SIK3: variants seen among roughly 807,000 people sequenced by gnomAD.
The protein encoded by SIK3 is SIK family kinase 3, also known as serine/threonine-protein kinase SIK3.
SIK3 carries 28 observed loss-of-function variants against 144.2 expected under a neutral mutation model. That is an observed-to-expected ratio of 0.19 (90% CI 0.14 to 0.27). SIK3 has a LOEUF of 0.27. Ranked by LOEUF, SIK3 falls within the 10% of genes least tolerant of loss-of-function variation. SIK3 has a pLI of 1.00. For missense variants in SIK3, 1,319 were observed against 1,776.0 expected, an observed-to-expected ratio of 0.74 and a Z score of 4.62; for synonymous variants, 686 against 676.3, an observed-to-expected ratio of 1.01 and a Z score of -0.22.
Position 116,980,361 on chromosome 11 carries a change from C to A in SIK3, c.274-23297G>T, listed in dbSNP as rs911723626. Among the ~76,000 whole-genome samples the A allele has an allele frequency of 3.3e-5, 5 of 152,192 alleles. No individual in the cohort carries two copies. The East Asian group carries it at 9.6e-4, about 29-fold the overall frequency. ...CCTCAACCCTCTTTTCCGCTTATCA[C>A]TAGAGAGAGAAACTAAAAACAATGG... On this transcript the variant is annotated intron_variant, in intron 1 of 24. Transcript: ENST00000445177.
chr11:117,044,484 G>A (rs1478283392), intron 1 of SIK3, among the ~76,000 whole-genome samples: 1 of 124,310 alleles, frequency 8.0e-6, no homozygotes, highest in African/African-American at 4.3e-5. Flanking sequence ...GTAAACTGCT[G>A]ACTTAAGAGA....
In SIK3 at chr11:116,879,673, A is replaced by G. The variant is rs147416793; in HGVS notation, c.866-2631T>C. ...CTAACTTCAAAAGATAATACAACAA[A>G]GTTCCTATATCAAAATGATTTCTTA... is the stretch of plus-strand genomic sequence containing the variant. On this transcript the variant is annotated intron_variant, in intron 6 of 24. Transcript: ENST00000445177. Among the ~76,000 whole-genome samples the G allele has an allele frequency of 2.0e-3, 303 of 152,356 alleles. 3 individuals are homozygous for G. Among genetic ancestry groups the G allele is most frequent in the African/African-American group, 6.8e-3 (281 of 41,588 alleles).
chr11:116,893,324 C>T (rs1332144984), intron 6 of SIK3, among the ~76,000 whole-genome samples: 1 of 152,056 alleles, frequency 6.6e-6, no homozygotes, highest in East Asian at 1.9e-4. Flanking sequence ...ACAGAGGGTA[C>T]ATGCAAACTG....
At chr11:116,871,941 G>A (rs113585325) in intron 13 of SIK3, among the ~76,000 whole-genome samples, 4 of 152,250 alleles carry the variant, frequency 2.6e-5, no homozygotes, top group South Asian at 2.1e-4. Flanking sequence ...TCATGTACAC[G>A]TATGTGTAGA....
chr11:116,861,689 G>A (rs1943340338), intron 18 of SIK3, 152 bp downstream of exon 18: 6 of 634,162 alleles, frequency 9.5e-6, no homozygotes, highest in South Asian at 6.1e-5. Context: ...GGGATTTCAA[G>A]AAGGCTCCTG....
At chr11:116,990,172 T>A (rs531731972) in intron 1 of SIK3, among the ~76,000 whole-genome samples, 2 of 152,306 alleles carry the variant, frequency 1.3e-5, no homozygotes, top group South Asian at 4.1e-4. Context: ...TTGGCAGCAA[T>A]ACATGTACTT....
At chr11:116,945,394 T>TG (rs1020769049) in intron 3 of SIK3, among the ~76,000 whole-genome samples, 4 of 146,524 alleles carry the variant, frequency 2.7e-5, no homozygotes, top group African/African-American at 1.0e-4. Flanking sequence ...TTTTTTTTTT[T>TG]TTTTTTTTTT....
rs1263653647 is a variant in SIK3 at position 117,000,914 on chromosome 11, GAA to G, written c.274-43852_274-43851del. 3.3e-5 allele frequency among the ~76,000 whole-genome samples: 5 copies of G among 152,330 alleles called. No homozygotes were observed. The East Asian group carries it at 7.7e-4, about 23-fold the overall frequency. ...TTTCCAAATGCTGCTAGGATAAAGA[GAA>G]CTGACAGTAATCACCTCCACAGAGA... On this transcript the variant is annotated intron_variant, in intron 1 of 24. Coordinates refer to ENST00000445177, the MANE Select transcript of SIK3 (RefSeq NM_001366686.3).
intron 4 of SIK3, among the ~76,000 whole-genome samples, chr11:116,915,153 T>TGTGTGTGTGTGTGTGTGTGTGTGCGC (rs1182331838): frequency 6.7e-5 from 10 of 149,212 alleles, no homozygotes; most frequent in African/African-American, 2.2e-4. Context: ...TGTGTGTGTG[T>TGTGTGTGTGTGTGTGTGTGTGTGCGC]GTGTGTGTAT....
At chr11:117,043,852 T>TACC (rs1952847311) in intron 1 of SIK3, among the ~76,000 whole-genome samples, 1 of 152,250 alleles carries the variant, frequency 6.6e-6, no homozygotes, top group Non-Finnish European at 1.5e-5. Flanking sequence ...AACGATGTTT[T>TACC]ATTCACCTTT....
At chr11:117,061,248 A>C (rs1234886952) in intron 1 of SIK3, among the ~76,000 whole-genome samples, 1 of 152,198 alleles carries the variant, frequency 6.6e-6, no homozygotes, top group Non-Finnish European at 1.5e-5. Flanking sequence ...ATCTCAAAAA[A>C]TAGATAAAAT....
At position 116,860,400 on chromosome 11, in the gene SIK3, C is replaced by G. The variant is rs182951669; in HGVS notation, c.2426-796G>C. On this transcript the variant is annotated intron_variant, in intron 19 of 24. Transcript: ENST00000445177. ...GGATCCTAGGGAGACTGACTAGGGA[C>G]GTAGCTCGTGGAGTGTTACTCAAGA... Among the ~76,000 whole-genome samples, 935 of 152,218 alleles carry G rather than the reference C, an allele frequency of 6.1e-3. 6 individuals carry two copies. Among genetic ancestry groups the G allele is most frequent in the African/African-American group, 0.021 (858 of 41,534 alleles).
At chr11:116,897,393 C>T (rs1233877501) in intron 4 of SIK3, 76 bp from the exon 5 acceptor site, 1 of 1,279,748 alleles carries the variant, frequency 7.8e-7, no homozygotes, top group Non-Finnish European at 1.1e-6. Flanking sequence ...TCTCTAGTCA[C>T]TAAAGATTCC....
At chr11:116,899,633 T>A (rs1016747240) in intron 4 of SIK3, among the ~76,000 whole-genome samples, 1 of 152,190 alleles carries the variant, frequency 6.6e-6, no homozygotes, top group Non-Finnish European at 1.5e-5. Context: ...CCTTCTTCTC[T>A]CCCTCTCCTA....
intron 6 of SIK3, among the ~76,000 whole-genome samples, chr11:116,877,604 T>C (rs1407702444): frequency 2.0e-5 from 3 of 152,234 alleles, no homozygotes; most frequent in Non-Finnish European, 2.9e-5. Flanking sequence ...ATCATTTTCT[T>C]CTCAATGTTA....
chr11:116,881,118 C>T (rs867230143), intron 6 of SIK3, among the ~76,000 whole-genome samples: 1 of 151,518 alleles, frequency 6.6e-6, no homozygotes, highest in Non-Finnish European at 1.5e-5. Context: ...AGCGAGACTC[C>T]GTCTCTAAAA....
rs565123596 is a variant in SIK3 at position 116,870,278 on chromosome 11, T to A, written c.1808+53A>T. On this transcript the variant is annotated intron_variant, in intron 14 of 24. Coordinates refer to ENST00000445177, the MANE Select transcript of SIK3 (RefSeq NM_001366686.3). ...TGGGCAGAGGTGACCTTTCGCTGGT[T>A]GCAGGGGAGCCTGCCCAGGGGCTTC... 2.9e-4 allele frequency: 460 copies of A among 1,610,696 alleles called. 2 individuals are homozygous for A. The Middle Eastern group carries it at 9.9e-3, about 35-fold the overall frequency.
rs1942091693 is a variant in SIK3 at position 116,847,708 on chromosome 11, C to G, written c.3820-100G>C. 2.4e-5 allele frequency: 36 copies of G among 1,514,248 alleles called. No individual in the cohort carries two copies. In the South Asian group the frequency reaches 3.9e-4, roughly 17 times the overall value. The allele number at this position is 1,514,248 out of a possible 1,614,324, so 93.8% of individuals were successfully genotyped here. ...CTTCTGAAGGAGCCCAGGCAAAAGA[C>G]AGCCCGGGGCCCCACTCCAGACTCC... On this transcript the variant is annotated intron_variant, in intron 22 of 24. Transcript: ENST00000445177.
At chr11:117,028,239 A>C (rs1952105580) in intron 1 of SIK3, among the ~76,000 whole-genome samples, 1 of 152,184 alleles carries the variant, frequency 6.6e-6, no homozygotes, top group Non-Finnish European at 1.5e-5. Flanking sequence ...CTTTTTTCTT[A>C]AAGTTAAACC....
Sources: gnomAD v4.1 joint callset for allele counts (sites outside exome capture counted in the v4.1 genomes callset) on GRCh38, gnomAD v4.1.1 for gene constraint, MANE v1.5 for transcripts, NCBI Gene and HGNC (gene_info 2026-07-23, HGNC 2026-07-21) for gene names.